Variants in MARCHF7 observed in about 807,000 individuals in gnomAD.
MARCHF7 encodes membrane associated ring-CH-type finger 7.
In MARCHF7, 20 loss-of-function variants were observed where a neutral mutation model predicts 76.5. That is an observed-to-expected ratio of 0.26 (90% CI 0.18 to 0.38). The LOEUF (loss-of-function observed/expected upper bound fraction) is 0.38. Among genes scored for constraint, MARCHF7 ranks in the 10% least tolerant of loss-of-function variants. MARCHF7 has a pLI of 1.00. For missense variants in MARCHF7, 797 were observed against 812.9 expected (o/e 0.98, Z 0.24); for synonymous variants, 295 against 293.0 (o/e 1.01, Z -0.07).
chr2:159,720,241 G>T (rs547653164), intron 3 of MARCHF7, among the ~76,000 whole-genome samples: 2 of 152,308 alleles, frequency 1.3e-5, no homozygotes, highest in Admixed American at 1.3e-4. Flanking sequence ...GGCCAGCCTG[G>T]TCTTGAACTC....
At chr2:159,761,562 C>T (rs1268890953) in intron 9 of MARCHF7, among the ~76,000 whole-genome samples, 1 of 151,258 alleles carries the variant, frequency 6.6e-6, no homozygotes, top group Non-Finnish European at 1.5e-5. Context: ...TTACAGGTTC[C>T]TGCCACCACA....
chr2:159,743,920 C>T (rs1478918368), intron 5 of MARCHF7, among the ~76,000 whole-genome samples: 2 of 131,016 alleles, frequency 1.5e-5, no homozygotes, highest in African/African-American at 5.6e-5. Context: ...AAACAAAAAA[C>T]AAATACAGAA....
At chr2:159,735,771 A>T (rs1475460545) in intron 4 of MARCHF7, among the ~76,000 whole-genome samples, 1 of 152,176 alleles carries the variant, frequency 6.6e-6, no homozygotes, top group Non-Finnish European at 1.5e-5. Flanking sequence ...ATTATGAATA[A>T]TGCTGCTATA....
At chr2:159,725,800 T>C (rs1702096447) in intron 3 of MARCHF7, among the ~76,000 whole-genome samples, 1 of 152,196 alleles carries the variant, frequency 6.6e-6, no homozygotes, top group African/African-American at 2.4e-5. Context: ...GAGGGAAGCA[T>C]TAAAAATTCT....
Position 159,768,547 on chromosome 2 carries a change from G to A in MARCHF7, c.*1205G>A, listed in dbSNP as rs1482063373. ...TTTGTTGGTCTTATGTAAAACATTG[G>A]CTCAAAATAAAGTACACACTGATTT... is the stretch of plus-strand genomic sequence containing the variant. On this transcript the variant is annotated 3_prime_UTR_variant, in exon 12 of 12. Coordinates refer to ENST00000409175, the MANE Select transcript of MARCHF7 (RefSeq NM_001282805.2). 1 of 152,514 alleles carries A rather than the reference G, an allele frequency of 6.6e-6. No individual in the cohort carries two copies. The highest frequency in any genetic ancestry group is 6.6e-5 in the Admixed American group (1 of 15,262). 9.4% of individuals were successfully genotyped at this position (152,514 alleles called of 1,614,324 possible).
chr2:159,716,480 C>T (rs1009537585), intron 3 of MARCHF7, among the ~76,000 whole-genome samples: 1 of 151,832 alleles, frequency 6.6e-6, no homozygotes, highest in African/African-American at 2.4e-5. Flanking sequence ...AACCCCGTCT[C>T]TACTAAAAAA....
chr2:159,766,523 T>TA (rs1282363211), intron 11 of MARCHF7, among the ~76,000 whole-genome samples: 3 of 152,168 alleles, frequency 2.0e-5, no homozygotes, highest in Non-Finnish European at 4.4e-5. Flanking sequence ...TGCATTTTCT[T>TA]ACACGTGCAA....
intron 8 of MARCHF7, among the ~76,000 whole-genome samples, chr2:159,755,358 G>T (rs772222632): frequency 2.4e-4 from 37 of 152,142 alleles, no homozygotes; most frequent in Non-Finnish European, 4.7e-4. Context: ...TTATAATCCA[G>T]TGGGTCTGGT....
intron 4 of MARCHF7, among the ~76,000 whole-genome samples, chr2:159,732,320 A>G (rs1007457022): frequency 6.6e-6 from 1 of 152,196 alleles, no homozygotes; most frequent in African/African-American, 2.4e-5. Context: ...GATTCTTAAG[A>G]TAAATTATTT....
At position 159,762,960 on chromosome 2, in the gene MARCHF7, G is replaced by A; in HGVS notation, c.1974G>A (p.Met658Ile). ...GCGAACAAAGCTTTTCTGATATGAT[G>A]GGAAATACAAATGAACCAAGCACAC... ...HLCEQSFSDM[M>I]GNTNEPSTRV... is the part of the protein sequence containing the mutation. Residue 658 changes from methionine (M) to isoleucine (I), a missense_variant, in exon 10 of 12, where the codon ATG becomes ATA. Coordinates refer to ENST00000409175, the MANE Select transcript of MARCHF7 (RefSeq NM_001282805.2). The A allele has an allele frequency of 6.2e-7, 1 of 1,612,626 alleles. No individual in the cohort carries two copies. The highest frequency in any genetic ancestry group is 8.5e-7 in the Non-Finnish European group (1 of 1,179,526).
chr2:159,753,973 A>G (rs1705985038), intron 8 of MARCHF7, among the ~76,000 whole-genome samples: 1 of 152,234 alleles, frequency 6.6e-6, no homozygotes, highest in Non-Finnish European at 1.5e-5. Flanking sequence ...TTACTGAAAT[A>G]GGAAGCTGAA....
At chr2:159,722,788 A>G (rs143065604) in intron 3 of MARCHF7, among the ~76,000 whole-genome samples, 1 of 152,238 alleles carries the variant, frequency 6.6e-6, no homozygotes, top group East Asian at 1.9e-4. Context: ...CATTGTCAAA[A>G]TTCAATCAAT....
intron 5 of MARCHF7, among the ~76,000 whole-genome samples, chr2:159,744,734 C>T (rs984724011): frequency 1.3e-5 from 2 of 152,152 alleles, no homozygotes; most frequent in Admixed American, 1.3e-4. Flanking sequence ...AGACAAACAC[C>T]ACTGTGCCAG....
intron 9 of MARCHF7, among the ~76,000 whole-genome samples, chr2:159,760,621 A>G (rs528548651): frequency 1.3e-5 from 2 of 152,340 alleles, no homozygotes; most frequent in South Asian, 4.1e-4. Context: ...TGTCTTCTCA[A>G]AATGAGAGTA....
chr2:159,735,853 G>C (rs1352285138), intron 4 of MARCHF7, among the ~76,000 whole-genome samples: 1 of 152,162 alleles, frequency 6.6e-6, no homozygotes, highest in African/African-American at 2.4e-5. Context: ...GTGGAGCCAG[G>C]CATGTTGGCT....
At chr2:159,749,767 A>G (rs1272387490) in intron 7 of MARCHF7, among the ~76,000 whole-genome samples, 3 of 152,168 alleles carry the variant, frequency 2.0e-5, no homozygotes, top group Non-Finnish European at 2.9e-5. Flanking sequence ...TGTGTCAGAA[A>G]GTAAAGGTTA....
chr2:159,732,698 T>A (rs576664537), intron 4 of MARCHF7: 28 of 261,222 alleles, frequency 1.1e-4, no homozygotes, highest in African/African-American at 4.6e-4. Flanking sequence ...GCTAATTTTT[T>A]AAAAAATTTT....
At chr2:159,765,495 T>C (rs1403679302) in intron 11 of MARCHF7, among the ~76,000 whole-genome samples, 8 of 152,162 alleles carry the variant, frequency 5.3e-5, no homozygotes, top group Admixed American at 5.2e-4. Context: ...TTTTACTTTT[T>C]CACCCTTTGT....
intron 10 of MARCHF7, among the ~76,000 whole-genome samples, chr2:159,764,319 T>A (rs1277711177): frequency 6.6e-6 from 1 of 151,460 alleles, no homozygotes; most frequent in East Asian, 1.9e-4. Flanking sequence ...TTGTTTTTTG[T>A]TTTTTTTCCT....
Sources: allele counts gnomAD v4.1 joint callset (sites outside exome capture counted in the v4.1 genomes callset), GRCh38; gene constraint gnomAD v4.1.1; transcripts MANE v1.5; gene names NCBI Gene and HGNC (gene_info 2026-07-23, HGNC 2026-07-21).